TRAPPC9: variants seen among roughly 807,000 people sequenced by gnomAD.
The protein encoded by TRAPPC9 is IKK2 binding protein.
A neutral mutation model predicts 124.0 loss-of-function variants in TRAPPC9; 83 were observed. That is an observed-to-expected ratio of 0.67 (90% CI 0.56 to 0.80). The LOEUF (loss-of-function observed/expected upper bound fraction) is 0.80, where lower values mean the gene tolerates loss of function less well. Ranked by LOEUF, TRAPPC9 falls within the 30% of genes least tolerant of loss-of-function variation. The pLI, the probability that TRAPPC9 is intolerant of heterozygous loss-of-function variation, is 0.00. For synonymous variants in TRAPPC9, 638 were observed against 617.5 expected (o/e 1.03, Z -0.49); for missense variants, 1,302 against 1,508.3 (o/e 0.86, Z 2.27).
chr8:140,316,529 T>C (rs977091915), intron 9 of TRAPPC9, among the ~76,000 whole-genome samples: 1 of 152,230 alleles, frequency 6.6e-6, no homozygotes, highest in African/African-American at 2.4e-5. Flanking sequence ...GTTTTGGTTC[T>C]TCATTCCGTT....
At chr8:140,457,515 G>T in intron 1 of TRAPPC9, 124 bp downstream of exon 1, 1 of 821,890 alleles carries the variant, frequency 1.2e-6, no homozygotes, top group South Asian at 5.5e-5. Context: ...GGCGGGCTCC[G>T]CCCGGACAGG....
intron 21 of TRAPPC9, among the ~76,000 whole-genome samples, chr8:139,818,504 A>C (rs1158538369): frequency 1.3e-5 from 2 of 152,072 alleles, no homozygotes; most frequent in Non-Finnish European, 2.9e-5. Flanking sequence ...TGAACCCAGG[A>C]GGCAGAGGTT....
intron 9 of TRAPPC9, among the ~76,000 whole-genome samples, chr8:140,335,468 T>C (rs2067009933): frequency 6.6e-6 from 1 of 151,924 alleles, no homozygotes; most frequent in African/African-American, 2.4e-5. Flanking sequence ...ACTAAGAAAA[T>C]GCCAACACCC....
At chr8:140,156,255 C>A (rs1563803227) in intron 17 of TRAPPC9, among the ~76,000 whole-genome samples, 1 of 152,178 alleles carries the variant, frequency 6.6e-6, no homozygotes, top group Non-Finnish European at 1.5e-5. Context: ...GCAGCACCAA[C>A]CTGGGAGCAA....
chr8:139,886,334 A>T (rs531756076), intron 20 of TRAPPC9, among the ~76,000 whole-genome samples: 1 of 152,324 alleles, frequency 6.6e-6, no homozygotes, highest in South Asian at 2.1e-4. Flanking sequence ...TGTTCAATAC[A>T]ACCCATGAGT....
intron 14 of TRAPPC9, among the ~76,000 whole-genome samples, chr8:140,281,382 G>T (rs935187810): frequency 1.3e-5 from 2 of 152,150 alleles, no homozygotes; most frequent in Admixed American, 6.5e-5. Context: ...ATCCTTCCAG[G>T]TTGCTTATGA....
rs529922212 is a variant in TRAPPC9, at chr8:140,037,828, C to A, written c.2557-13749G>T. ...ACACACACACAGATACACACATACC[C>A]AACACACACCAACACACACACAGAT... is the stretch of plus-strand genomic sequence containing the variant. On this transcript the variant is annotated intron_variant, in intron 17 of 22. Transcript: ENST00000438773. Among the ~76,000 whole-genome samples the A allele has an allele frequency of 6.7e-4, 98 of 145,364 alleles. 1 individual carries two copies. Among genetic ancestry groups the A allele is most frequent in the East Asian group, 1.0e-3 (5 of 4,942 alleles).
chr8:140,360,104 CAG>C lies in TRAPPC9; in HGVS notation c.1439_1440del (p.Ser480CysfsTer71), dbSNP rs1186166383. 1.2e-6 allele frequency: 2 copies of C among 1,614,202 alleles called. No homozygotes were observed. The highest frequency in any genetic ancestry group is 1.7e-6 in the Non-Finnish European group (2 of 1,180,036). ...TGTAGAAGGAAGGACAGGTGTCTGA[CAG>C]AGAGGGCAGGGTTCCCCATCCTTCG... The part of the protein sequence containing the change: ...ASRRMGNPAL[S>X]VRHLSFLLQT... On this transcript the variant is annotated frameshift_variant, in exon 9 of 23. Transcript: ENST00000438773. LOFTEE classifies it high-confidence loss of function.
At chr8:140,196,132 AAC>A (rs55872234) in intron 17 of TRAPPC9, among the ~76,000 whole-genome samples, 2 of 92,406 alleles carry the variant, frequency 2.2e-5, no homozygotes, top group Non-Finnish European at 4.7e-5. Flanking sequence ...GTGACACTGA[AAC>A]ACAACGATCC....
chr8:140,148,369 T>A (rs1262047548), intron 17 of TRAPPC9, among the ~76,000 whole-genome samples: 1 of 152,250 alleles, frequency 6.6e-6, no homozygotes, highest in Non-Finnish European at 1.5e-5. Flanking sequence ...CTTAGTTAGC[T>A]TAGTTACACT....
chr8:140,452,484 T>C (rs2071501200), intron 1 of TRAPPC9, among the ~76,000 whole-genome samples: 1 of 150,506 alleles, frequency 6.6e-6, no homozygotes, highest in East Asian at 1.9e-4. Context: ...TGTATCTAGA[T>C]TGAGGAGGTT....
In TRAPPC9 at chr8:140,446,587, CTT is replaced by C. The variant is rs552285235; in HGVS notation, c.584+4201_584+4202del. Among the ~76,000 whole-genome samples, 29 of 152,104 alleles carry C rather than the reference CTT, an allele frequency of 1.9e-4. No individual in the cohort carries two copies. The East Asian group carries it at 4.8e-3, about 25-fold the overall frequency. ...TTTTATTTTGAGATGGAGTTTCGCT[CTT>C]GTCGCCCAGGCTAGAGTGCAATGGC... On this transcript the variant is annotated intron_variant, in intron 2 of 22. Transcript: ENST00000438773.
At position 139,844,768 on chromosome 8, in the gene TRAPPC9, C is replaced by T. The variant is rs183975216; in HGVS notation, c.3055+41111G>A. ...TTCATTTTGTGGAAGGAAGGGCCAC[C>T]TCATTCACCAGCTAAGCAAGGCCTT... On this transcript the variant is annotated intron_variant, in intron 21 of 22. Transcript: ENST00000438773. 2.6e-3 allele frequency among the ~76,000 whole-genome samples: 403 copies of T among 152,304 alleles called. 1 individual carries two copies. The highest frequency in any genetic ancestry group is 9.2e-3 in the African/African-American group (381 of 41,570).
chr8:139,937,759 C>G (rs557663368), intron 19 of TRAPPC9, among the ~76,000 whole-genome samples: 1 of 152,290 alleles, frequency 6.6e-6, no homozygotes, highest in African/African-American at 2.4e-5. Context: ...GCAAATGTCA[C>G]GTATTATTAC....
At chr8:140,309,095 T>C (rs1166408277) in intron 10 of TRAPPC9, among the ~76,000 whole-genome samples, 1 of 152,168 alleles carries the variant, frequency 6.6e-6, no homozygotes, top group Admixed American at 6.5e-5. Context: ...TGTTACACTT[T>C]CACCCAATCT....
chr8:139,777,645 T>C (rs1034291377), intron 21 of TRAPPC9, among the ~76,000 whole-genome samples: 1 of 152,230 alleles, frequency 6.6e-6, no homozygotes, highest in Non-Finnish European at 1.5e-5. Context: ...ACATTCAGAA[T>C]GAATGAGGCT....
chr8:140,401,798 G>C (rs1046863680), intron 6 of TRAPPC9, among the ~76,000 whole-genome samples: 3 of 151,556 alleles, frequency 2.0e-5, no homozygotes, highest in African/African-American at 7.3e-5. Context: ...TAATTTTTTT[G>C]TATATTTTGT....
At chr8:139,744,521 C>A (rs917720293) in intron 21 of TRAPPC9, among the ~76,000 whole-genome samples, 1 of 152,186 alleles carries the variant, frequency 6.6e-6, no homozygotes, top group Non-Finnish European at 1.5e-5. Flanking sequence ...CTCCTAGGAG[C>A]CGAGGCAGGC....
intron 18 of TRAPPC9, among the ~76,000 whole-genome samples, chr8:140,002,160 T>C (rs1249066153): frequency 3.3e-5 from 5 of 151,552 alleles, no homozygotes; most frequent in Non-Finnish European, 1.5e-5. Flanking sequence ...TTCATACCAA[T>C]AATACTCAAC....
Sources: gnomAD v4.1 joint callset for allele counts (sites outside exome capture counted in the v4.1 genomes callset) on GRCh38, gnomAD v4.1.1 for gene constraint, MANE v1.5 for transcripts, NCBI Gene and HGNC (gene_info 2026-07-23, HGNC 2026-07-21) for gene names.